The following NELL1 variants were observed in gnomAD, a reference collection of about 807,000 sequenced individuals.
NELL1 encodes the protein protein kinase C-binding protein NELL1.
In NELL1, 76 loss-of-function variants were observed where a neutral mutation model predicts 107.4. The observed-to-expected ratio is 0.71, with a 90% CI of 0.59 to 0.86. NELL1 has a LOEUF of 0.86. NELL1 is among the 40% of genes least tolerant of loss of function. The pLI is 0.00. For synonymous variants in NELL1, 353 were observed against 341.2 expected (o/e 1.03, Z -0.38); for missense variants, 1,024 against 1,005.5 (o/e 1.02, Z -0.25).
At chr11:20,994,617 C>T (rs542638898) in intron 12 of NELL1, among the ~76,000 whole-genome samples, 18 of 152,038 alleles carry the variant, frequency 1.2e-4, no homozygotes, top group African/African-American at 4.4e-4. Flanking sequence ...TTACATATGT[C>T]CCCAAAGTGG....
intron 14 of NELL1, among the ~76,000 whole-genome samples, chr11:21,283,010 A>G (rs1307330305): frequency 1.3e-5 from 2 of 151,374 alleles, no homozygotes; most frequent in Non-Finnish European, 2.9e-5. Context: ...AGTAAAGGAT[A>G]GTGAAAGAAG....
intron 15 of NELL1, among the ~76,000 whole-genome samples, chr11:21,382,376 T>C (rs1419433936): frequency 6.6e-6 from 1 of 151,952 alleles, no homozygotes; most frequent in African/African-American, 2.4e-5. Context: ...ATCAAAACTC[T>C]GGCATGGGAA....
chr11:21,186,622 G>A (rs951956840), intron 13 of NELL1, among the ~76,000 whole-genome samples: 1 of 151,844 alleles, frequency 6.6e-6, no homozygotes, highest in African/African-American at 2.4e-5. Flanking sequence ...AGTGCAGTTG[G>A]TTTCAAGGAA....
chr11:20,783,608 T>C (rs748383527), intron 2 of NELL1, 72 bp from the exon 3 acceptor site: 85 of 1,101,152 alleles, frequency 7.7e-5, no homozygotes, highest in Non-Finnish European at 9.8e-5. Context: ...CTTTCTCCTA[T>C]ATTTCTTCTC....
intron 3 of NELL1, among the ~76,000 whole-genome samples, chr11:20,807,155 C>T (rs1307154160): frequency 6.6e-6 from 1 of 152,000 alleles, no homozygotes; most frequent in South Asian, 2.1e-4. Context: ...GTAGTCTTCA[C>T]AGTCTGGGCT....
intron 15 of NELL1, among the ~76,000 whole-genome samples, chr11:21,465,412 C>G (rs1339269073): frequency 6.6e-6 from 1 of 152,030 alleles, no homozygotes; most frequent in East Asian, 1.9e-4. Flanking sequence ...ATGCAACCTG[C>G]TAATAATTCA....
At chr11:21,027,054 C>G (rs748973610) in intron 12 of NELL1, among the ~76,000 whole-genome samples, 10 of 152,038 alleles carry the variant, frequency 6.6e-5, no homozygotes, top group Non-Finnish European at 1.5e-4. Context: ...GGGGTAGAAT[C>G]AATGCTAGCA....
At chr11:20,885,389 C>T (rs1404418115) in intron 4 of NELL1, 55 bp from the exon 5 acceptor site, 1 of 1,140,974 alleles carries the variant, frequency 8.8e-7, no homozygotes, top group African/African-American at 1.5e-5. Flanking sequence ...GCATATGCAC[C>T]TTTTGGTTCT....
chr11:21,090,956 G>T, intron 12 of NELL1, among the ~76,000 whole-genome samples: 1 of 152,138 alleles, frequency 6.6e-6, no homozygotes, highest in East Asian at 1.9e-4. Context: ...TAAGAGCCTA[G>T]GAAACTTAAC....
chr11:21,336,688 C>T (rs1018129763), intron 14 of NELL1, among the ~76,000 whole-genome samples: 1 of 150,054 alleles, frequency 6.7e-6, no homozygotes, highest in African/African-American at 2.5e-5. Context: ...CACACACACA[C>T]ACATTAAACA....
chr11:21,387,336 T>C (rs552372683), intron 15 of NELL1, among the ~76,000 whole-genome samples: 1 of 151,940 alleles, frequency 6.6e-6, no homozygotes, highest in Admixed American at 6.6e-5. Context: ...ATCACTAATC[T>C]ATCTTGTGTA....
At chr11:21,270,974 T>A (rs1848727518) in intron 14 of NELL1, among the ~76,000 whole-genome samples, 1 of 151,962 alleles carries the variant, frequency 6.6e-6, no homozygotes, top group Admixed American at 6.5e-5. Context: ...TTAAACTAAA[T>A]AAAAATAAGA....
chr11:20,796,759 G>C (rs1857176742), intron 3 of NELL1, among the ~76,000 whole-genome samples: 1 of 152,236 alleles, frequency 6.6e-6, no homozygotes, highest in South Asian at 2.1e-4. Flanking sequence ...ACATACAAGA[G>C]TGGAGACAGT....
chr11:21,269,636 C>A (rs1168466059), intron 14 of NELL1, among the ~76,000 whole-genome samples: 1 of 151,940 alleles, frequency 6.6e-6, no homozygotes, highest in African/African-American at 2.4e-5. Flanking sequence ...TTTCAGACAA[C>A]AAAAATTGAG....
At chr11:21,201,792 A>T (rs1464854107) in intron 13 of NELL1, among the ~76,000 whole-genome samples, 5 of 152,128 alleles carry the variant, frequency 3.3e-5, no homozygotes, top group African/African-American at 1.2e-4. Context: ...TTATTTTGAG[A>T]TACAGTCTGT....
intron 14 of NELL1, among the ~76,000 whole-genome samples, chr11:21,275,893 A>G (rs926134418): frequency 6.6e-6 from 1 of 152,234 alleles, no homozygotes; most frequent in African/African-American, 2.4e-5. Context: ...TATTGATTGG[A>G]CATATCTCAA....
Position 21,207,879 on chromosome 11 carries a change from T to C in NELL1, c.1427-21453T>C, listed in dbSNP as rs796895341. Among the ~76,000 whole-genome samples, 6 of 152,180 alleles carry C rather than the reference T, an allele frequency of 3.9e-5. No individual in the cohort carries two copies. In the South Asian group the frequency reaches 1.2e-3, roughly 32 times the overall value. ...CATTCAGTCTTAGATACATCTGGAATCCATTTTCTTTCTTTTTTTAAAAAT... is the reference window on the plus strand; with the variant it reads ...CATTCAGTCTTAGATACATCTGGAACCCATTTTCTTTCTTTTTTTAAAAAT... On this transcript the variant is annotated intron_variant, in intron 13 of 19. Coordinates refer to ENST00000357134, the MANE Select transcript of NELL1 (RefSeq NM_006157.5).
intron 13 of NELL1, among the ~76,000 whole-genome samples, chr11:21,157,231 T>C (rs1856263137): frequency 6.6e-6 from 1 of 152,082 alleles, no homozygotes; most frequent in Admixed American, 6.6e-5. Flanking sequence ...AACATCCCCA[T>C]GTATTTTTAA....
At chr11:21,060,869 G>T (rs1413534972) in intron 12 of NELL1, among the ~76,000 whole-genome samples, 1 of 152,060 alleles carries the variant, frequency 6.6e-6, no homozygotes, top group Non-Finnish European at 1.5e-5. Context: ...CTGAGTAGCT[G>T]GGATTACAGG....
Sources: gnomAD v4.1 joint callset for allele counts (sites outside exome capture counted in the v4.1 genomes callset) on GRCh38, gnomAD v4.1.1 for gene constraint, MANE v1.5 for transcripts, NCBI Gene and HGNC (gene_info 2026-07-23, HGNC 2026-07-21) for gene names.